The following PXT1 variants were observed in gnomAD, a reference collection of about 807,000 sequenced individuals.
PXT1 encodes peroxisomal testis enriched protein 1, also known as peroxisomal testis-specific protein 1.
PXT1 carries 11 observed loss-of-function variants against 11.0 expected under a neutral mutation model. That is an observed-to-expected ratio of 1.00 (90% CI 0.63 to 1.66). PXT1 has a LOEUF of 1.66. PXT1 is among the 40% of genes most tolerant of loss of function. The pLI, the probability that PXT1 is intolerant of heterozygous loss-of-function variation, is 0.00. For missense variants in PXT1, 141 were observed against 155.5 expected (o/e 0.91, Z 0.49); for synonymous variants, 43 against 51.4 (o/e 0.84, Z 0.70).
At chr6:36,428,950 A>G (rs935030653) in intron 2 of PXT1, among the ~76,000 whole-genome samples, 5 of 151,988 alleles carry the variant, frequency 3.3e-5, no homozygotes, top group Admixed American at 3.3e-4. Flanking sequence ...GCCACCGCGC[A>G]CAGCCTAAAA....
intron 1 of PXT1, among the ~76,000 whole-genome samples, chr6:36,440,104 C>T (rs2127419978): frequency 6.7e-6 from 1 of 149,758 alleles, no homozygotes; most frequent in Non-Finnish European, 1.5e-5. Context: ...TCTCAGAAAA[C>T]AAAAGAAAAC....
At chr6:36,430,075 C>T (rs977575902) in intron 2 of PXT1, among the ~76,000 whole-genome samples, 4 of 151,962 alleles carry the variant, frequency 2.6e-5, no homozygotes, top group East Asian at 2.0e-4. Flanking sequence ...GGCGTAGTGG[C>T]GCATGACTGT....
intron 3 of PXT1, among the ~76,000 whole-genome samples, chr6:36,424,587 C>G (rs533625796): frequency 2.0e-5 from 3 of 152,238 alleles, no homozygotes; most frequent in East Asian, 1.9e-4. Flanking sequence ...TACAGTGAGC[C>G]GAGATCGCGC....
At chr6:36,425,805 A>ACAAACAAACAAAAATATAT (rs763685304) in intron 3 of PXT1, 109 bp downstream of exon 3, 1 of 321,510 alleles carries the variant, frequency 3.1e-6, no homozygotes, top group Admixed American at 5.4e-5. Flanking sequence ...AAAAACAAAA[A>ACAAACAAACAAAAATATAT]ATATATATAT....
chr6:36,425,632 T>A lies in PXT1; in HGVS notation c.169+282A>T, dbSNP rs1221731714. 3.3e-5 allele frequency among the ~76,000 whole-genome samples: 5 copies of A among 151,444 alleles called. No homozygotes were observed. In the East Asian group the frequency reaches 7.8e-4, roughly 24 times the overall value. On this transcript the variant is annotated intron_variant, in intron 3 of 4. Transcript: ENST00000454782. Reference sequence around the variant, plus strand: ...AAACCCCCTCTCTACTAAAAATATTTAAAAAATTAGCCCAGCGTGGTGGTG... The same window carrying A: ...AAACCCCCTCTCTACTAAAAATATTAAAAAAATTAGCCCAGCGTGGTGGTG...
chr6:36,397,768 T>C (rs1774163425), intron 4 of PXT1, among the ~76,000 whole-genome samples: 1 of 151,812 alleles, frequency 6.6e-6, no homozygotes, highest in Non-Finnish European at 1.5e-5. Context: ...TACAAATGAC[T>C]CCTAGGCCAA....
chr6:36,428,185 G>C (rs897649112), intron 2 of PXT1, among the ~76,000 whole-genome samples: 2 of 152,064 alleles, frequency 1.3e-5, no homozygotes, highest in Non-Finnish European at 2.9e-5. Context: ...GGTGGCTGAC[G>C]CCTGTAATTC....
At position 36,391,733 on chromosome 6, in the gene PXT1, G is replaced by T; in HGVS notation, c.*37C>A. ...ATTCATGTTTCTCAGAGGGTAAAAA[G>T]AAAACAGAACTTGACCACTTGACCT... On this transcript the variant is annotated 3_prime_UTR_variant, in exon 5 of 5. Coordinates refer to ENST00000454782, the MANE Select transcript of PXT1 (RefSeq NM_152990.4). 7.2e-7 allele frequency: 1 copy of T among 1,379,632 alleles called. No individual in the cohort carries two copies. Among genetic ancestry groups the T allele is most frequent in the Non-Finnish European group, 1.0e-6 (1 of 967,940 alleles). The allele number at this position is 1,379,632 out of a possible 1,614,324, so 85.5% of individuals were successfully genotyped here.
intron 3 of PXT1, among the ~76,000 whole-genome samples, chr6:36,412,978 A>T (rs1418735374): frequency 6.6e-6 from 1 of 152,198 alleles, no homozygotes; most frequent in African/African-American, 2.4e-5. Context: ...AGTTGAAAAC[A>T]TGAGAGAAAA....
chr6:36,406,048 T>C (rs1302997686), intron 3 of PXT1, among the ~76,000 whole-genome samples: 1 of 152,210 alleles, frequency 6.6e-6, no homozygotes, highest in Non-Finnish European at 1.5e-5. Flanking sequence ...AGTGTAATGA[T>C]TTGAGTGTAT....
At chr6:36,409,294 G>A (rs1216400513) in intron 3 of PXT1, among the ~76,000 whole-genome samples, 1 of 152,188 alleles carries the variant, frequency 6.6e-6, no homozygotes, top group East Asian at 1.9e-4. Context: ...ACCTATGTGT[G>A]TTTCTGGAAG....
At chr6:36,420,399 T>C (rs1774507448) in intron 3 of PXT1, among the ~76,000 whole-genome samples, 1 of 152,198 alleles carries the variant, frequency 6.6e-6, no homozygotes, top group African/African-American at 2.4e-5. Context: ...CTCCAAATCA[T>C]ATTAAGTGAC....
intron 2 of PXT1, among the ~76,000 whole-genome samples, chr6:36,434,205 T>A: frequency 6.6e-6 from 1 of 150,708 alleles, no homozygotes. Flanking sequence ...AACAAAGAAA[T>A]GCAAAAAAAC....
intron 3 of PXT1, among the ~76,000 whole-genome samples, chr6:36,417,481 A>T (rs1774465309): frequency 6.6e-6 from 1 of 151,746 alleles, no homozygotes. Flanking sequence ...CAGGCCAGGC[A>T]TGGTGGCCCA....
At chr6:36,431,169 A>T (rs1231283632) in intron 2 of PXT1, among the ~76,000 whole-genome samples, 2 of 152,204 alleles carry the variant, frequency 1.3e-5, no homozygotes, top group African/African-American at 4.8e-5. Flanking sequence ...AAATGTAATT[A>T]TGGAAAAACT....
At chr6:36,440,068 AGCC>A (rs1204028441) in intron 1 of PXT1, among the ~76,000 whole-genome samples, 1 of 152,214 alleles carries the variant, frequency 6.6e-6, no homozygotes, top group African/African-American at 2.4e-5. Context: ...ACTGCACTCC[AGCC>A]TGAGTGACAG....
intron 4 of PXT1, among the ~76,000 whole-genome samples, chr6:36,392,294 CTGA>C (rs1774081182): frequency 6.6e-6 from 1 of 152,210 alleles, no homozygotes; most frequent in African/African-American, 2.4e-5. Flanking sequence ...CTTTTCAGGG[CTGA>C]TAACCTATTC....
intron 3 of PXT1, among the ~76,000 whole-genome samples, chr6:36,414,564 A>G (rs1014288950): frequency 3.3e-5 from 5 of 152,204 alleles, no homozygotes; most frequent in South Asian, 2.1e-4. Flanking sequence ...ATAACTAGGC[A>G]TAATTTTAGG....
At chr6:36,441,754 C>T (rs186250699) in intron 1 of PXT1, among the ~76,000 whole-genome samples, 8 of 152,262 alleles carry the variant, frequency 5.3e-5, no homozygotes, top group East Asian at 1.9e-4. Flanking sequence ...CCCTCTAGGC[C>T]TCTAAGACCA....
Sources: gnomAD v4.1 joint callset for allele counts (sites outside exome capture counted in the v4.1 genomes callset) on GRCh38, gnomAD v4.1.1 for gene constraint, MANE v1.5 for transcripts, NCBI Gene and HGNC (gene_info 2026-07-23, HGNC 2026-07-21) for gene names.